DNAH7: variants seen among roughly 807,000 people sequenced by gnomAD.
DNAH7 encodes dynein axonemal heavy chain 7.
DNAH7 carries 397 observed loss-of-function variants against 444.6 expected under a neutral mutation model. The ratio of observed to expected loss-of-function variants is 0.89; its 90% CI spans 0.82 to 0.97. The LOEUF is 0.97. Among genes scored for constraint, DNAH7 ranks in the 50% least tolerant of loss-of-function variants. The pLI is 0.00. For synonymous variants in DNAH7, 1,636 were observed against 1,624.4 expected (o/e 1.01, Z -0.17); for missense variants, 4,902 against 4,800.8 (o/e 1.02, Z -0.62).
At chr2:195,887,725 T>C (rs1226292920) in intron 33 of DNAH7, among the ~76,000 whole-genome samples, 1 of 152,164 alleles carries the variant, frequency 6.6e-6, no homozygotes, top group Non-Finnish European at 1.5e-5. Flanking sequence ...GCTCTGTAAT[T>C]TCCAGCTAGA....
chr2:196,026,342 T>C (rs1695686299), intron 7 of DNAH7, among the ~76,000 whole-genome samples: 1 of 152,230 alleles, frequency 6.6e-6, no homozygotes, highest in African/African-American at 2.4e-5. Flanking sequence ...ATGTTCATTG[T>C]TAATGCTTAC....
At chr2:195,917,743 C>A (rs1376451235) in intron 24 of DNAH7, among the ~76,000 whole-genome samples, 1 of 152,200 alleles carries the variant, frequency 6.6e-6, no homozygotes, top group Non-Finnish European at 1.5e-5. Flanking sequence ...ACAGCCTCAA[C>A]TCCTGGACTC....
intron 61 of DNAH7, among the ~76,000 whole-genome samples, chr2:195,761,099 A>T (rs1559078067): frequency 6.6e-6 from 1 of 152,144 alleles, no homozygotes; most frequent in Admixed American, 6.5e-5. Context: ...AATAACACCG[A>T]GAAGGAATCC....
intron 24 of DNAH7, among the ~76,000 whole-genome samples, chr2:195,914,968 T>C (rs1687583274): frequency 6.6e-6 from 1 of 152,188 alleles, no homozygotes; most frequent in Admixed American, 6.5e-5. Context: ...GGCCAAAACA[T>C]TTACAATTCT....
intron 61 of DNAH7, among the ~76,000 whole-genome samples, chr2:195,761,756 G>A (rs1399611488): frequency 1.3e-5 from 2 of 152,082 alleles, no homozygotes; most frequent in Non-Finnish European, 2.9e-5. Flanking sequence ...AAATATAAAG[G>A]AGAAATAAAG....
At position 195,975,007 on chromosome 2, in the gene DNAH7, C is replaced by T. The variant is rs933134014; in HGVS notation, c.1834-2541G>A. Among the ~76,000 whole-genome samples the T allele has an allele frequency of 4.6e-5, 7 of 152,158 alleles. No homozygotes were observed. The East Asian group carries it at 5.8e-4, about 13-fold the overall frequency. On this transcript the variant is annotated intron_variant, in intron 15 of 64. Transcript: ENST00000312428. Reference sequence around the variant, plus strand: ...TGAATGATTTTTATGATTTGCTGGGCGCACTTAAATACTTTAAAATCAGGA... The same window carrying T: ...TGAATGATTTTTATGATTTGCTGGGTGCACTTAAATACTTTAAAATCAGGA...
chr2:195,943,588 G>A (rs568630277), intron 19 of DNAH7, among the ~76,000 whole-genome samples: 1 of 152,232 alleles, frequency 6.6e-6, no homozygotes, highest in Non-Finnish European at 1.5e-5. Context: ...AATTTCTGCT[G>A]TTGGCAGCTT....
chr2:195,738,828 T>C (rs1456317684), intron 64 of DNAH7, among the ~76,000 whole-genome samples: 3 of 152,210 alleles, frequency 2.0e-5, no homozygotes, highest in Non-Finnish European at 4.4e-5. Context: ...ATCCTCGAGA[T>C]GATAGGACTT....
At chr2:195,853,738 GAATA>G (rs1203027561) in intron 45 of DNAH7, among the ~76,000 whole-genome samples, 9 of 151,932 alleles carry the variant, frequency 5.9e-5, no homozygotes. Context: ...AATAATGAAT[GAATA>G]TTTACCATAT....
In DNAH7 at chr2:195,755,864, G is replaced by A. The variant is rs77003382; in HGVS notation, c.11586+269C>T. Among the ~76,000 whole-genome samples the A allele has an allele frequency of 3.1e-3, 468 of 152,208 alleles. 2 individuals carry two copies. Among genetic ancestry groups the A allele is most frequent in the Non-Finnish European group, 5.9e-3 (398 of 68,002 alleles). The stretch of plus-strand genomic sequence containing the variant: ...CTCACTGGAAGCTTGACTGGCTTTC[G>A]AAAATGTTTTGCTGTAGGTATCTAT... On this transcript the variant is annotated intron_variant, in intron 62 of 64. Coordinates refer to ENST00000312428, the MANE Select transcript of DNAH7 (RefSeq NM_018897.3).
chr2:196,040,626 G>C (rs1391438554), intron 5 of DNAH7, among the ~76,000 whole-genome samples: 1 of 152,042 alleles, frequency 6.6e-6, no homozygotes, highest in African/African-American at 2.4e-5. Context: ...ATACTAAATG[G>C]GGATAAATTA....
At chr2:195,755,993 T>C in intron 62 of DNAH7, 140 bp downstream of exon 62, 2 of 786,842 alleles carry the variant, frequency 2.5e-6, no homozygotes, top group Non-Finnish European at 1.9e-6. Flanking sequence ...ACATACATTA[T>C]ATGAAATATT....
At chr2:195,975,972 T>G (rs1027593126) in intron 15 of DNAH7, among the ~76,000 whole-genome samples, 1 of 152,034 alleles carries the variant, frequency 6.6e-6, no homozygotes, top group Admixed American at 6.5e-5. Flanking sequence ...GCTTCAGGTG[T>G]GATCTGGCAC....
At chr2:195,906,514 C>G in intron 27 of DNAH7, 145 bp downstream of exon 27, 1 of 334,300 alleles carries the variant, frequency 3.0e-6, no homozygotes, top group Non-Finnish European at 5.2e-6. Context: ...TGGTCTCAAA[C>G]ACCTGAGTTC....
chr2:195,992,063 T>A (rs1693374813), intron 12 of DNAH7, among the ~76,000 whole-genome samples: 1 of 151,996 alleles, frequency 6.6e-6, no homozygotes, highest in African/African-American at 2.4e-5. Flanking sequence ...GCCAGGTGAG[T>A]TGTCTTTAGA....
chr2:195,780,563 A>C (rs985342775), intron 58 of DNAH7, among the ~76,000 whole-genome samples: 2 of 152,074 alleles, frequency 1.3e-5, no homozygotes, highest in Non-Finnish European at 2.9e-5. Context: ...AGCCTGGCCA[A>C]CATGGTGAAA....
chr2:195,989,775 C>T (rs568709396), intron 12 of DNAH7, among the ~76,000 whole-genome samples: 1 of 152,074 alleles, frequency 6.6e-6, no homozygotes, highest in Non-Finnish European at 1.5e-5. Context: ...TGTGGTAACT[C>T]CCCACTCCAG....
intron 15 of DNAH7, among the ~76,000 whole-genome samples, chr2:195,979,439 C>T (rs1277245955): frequency 6.6e-6 from 1 of 151,974 alleles, no homozygotes; most frequent in Non-Finnish European, 1.5e-5. Context: ...ATAATGGAAA[C>T]ATAACATACC....
At chr2:196,008,215 A>C (rs1021113041) in intron 10 of DNAH7, among the ~76,000 whole-genome samples, 1 of 152,004 alleles carries the variant, frequency 6.6e-6, no homozygotes, top group Non-Finnish European at 1.5e-5. Context: ...GGGAAATGCA[A>C]ATCAAAATCA....
Sources: allele counts gnomAD v4.1 joint callset (sites outside exome capture counted in the v4.1 genomes callset), GRCh38; gene constraint gnomAD v4.1.1; transcripts MANE v1.5; gene names NCBI Gene and HGNC (gene_info 2026-07-23, HGNC 2026-07-21).